Variants in SLC10A4 observed in about 807,000 individuals in gnomAD.
The protein encoded by SLC10A4 is solute carrier family 10 member 4, also known as putative sodium/bile acid cotransporter 4.
A neutral mutation model predicts 22.5 loss-of-function variants in SLC10A4; 17 were observed. The observed-to-expected ratio is 0.76, with a 90% confidence interval of 0.52 to 1.14. SLC10A4 has a LOEUF of 1.14. Ranked by LOEUF, SLC10A4 falls within the 50% of genes most tolerant of loss-of-function variation. The probability of loss-of-function intolerance (pLI) is 0.00; values close to 1 mark genes in which losing one functional copy is unlikely to be tolerated. For missense variants in SLC10A4, 548 were observed against 584.0 expected, an observed-to-expected ratio of 0.94 and a Z score of 0.64; for synonymous variants, 257 against 258.2, an observed-to-expected ratio of 1.00 and a Z score of 0.04.
intron 2 of SLC10A4, among the ~76,000 whole-genome samples, chr4:48,486,548 C>T (rs1448960564): frequency 6.7e-6 from 1 of 149,958 alleles, no homozygotes; most frequent in Admixed American, 6.7e-5. Flanking sequence ...ATATAATAGA[C>T]ATAAGATTAG....
chr4:48,487,960 C>T (rs1275245796), intron 2 of SLC10A4, among the ~76,000 whole-genome samples: 1 of 151,622 alleles, frequency 6.6e-6, no homozygotes, highest in Non-Finnish European at 1.5e-5. Context: ...TTCACCATCA[C>T]ACCTGGCTAA....
At position 48,483,865 on chromosome 4, in the gene SLC10A4, A is replaced by G; in HGVS notation, c.304A>G (p.Asn102Asp). The change falls in exon 1 of 3, where the codon AAC (asparagine) becomes GAC (aspartate). Residue 102 changes from asparagine to aspartate, a missense_variant. Around this residue, in one of 3 missense-constraint regions of SLC10A4, gnomAD observed 225 missense variants for 206.9 expected, o/e 1.09. Coordinates refer to ENST00000273861, the MANE Select transcript of SLC10A4 (RefSeq NM_152679.4). This position sits in a 1 kb window ranked among gnomAD's most constrained non-coding sequence, Gnocchi z 5.4. Reference protein sequence around the residue: ...HALPFWDTPLNHGLNVFVGAA... With the variant: ...HALPFWDTPLDHGLNVFVGAA... ...GCTCCCGTTCTGGGACACGCCGCTG[A>G]ACCACGGGCTGAACGTGTTCGTGGG... 6.5e-7 allele frequency: 1 copy of G among 1,542,954 alleles called. No homozygotes were observed. Among genetic ancestry groups the G allele is most frequent in the South Asian group, 1.2e-5 (1 of 83,848 alleles).
At chr4:48,488,392 T>A (rs1374703099) in intron 2 of SLC10A4, 35 bp from the exon 3 acceptor site, 1 of 1,543,644 alleles carries the variant, frequency 6.5e-7, no homozygotes, top group South Asian at 1.3e-5. Context: ...CCTGAGTTCA[T>A]CTTCAACCAT....
In SLC10A4 at chr4:48,483,598, C is replaced by T; in HGVS notation, c.37C>T (p.Pro13Ser). The T allele has an allele frequency of 6.6e-7, 1 of 1,505,012 alleles. No homozygotes were observed. Among genetic ancestry groups the T allele is most frequent in the Non-Finnish European group, 8.8e-7 (1 of 1,130,782 alleles). 93.2% of individuals were successfully genotyped at this position (1,505,012 alleles called of 1,614,324 possible). ...GNDNVTLLFA[P>S]LLRDNYTLAP... ...CGACAACGTGACCCTGCTCTTCGCC[C>T]CTCTGCTGCGGGACAACTACACCCT... Residue 13 changes from proline (P) to serine (S), a missense_variant, in exon 1 of 3, where the codon CCT becomes TCT. Pro to Ser is a moderately conservative substitution (Grantham distance 74). This residue lies in a region of SLC10A4 where 225 missense variants were observed against 206.9 expected (regional missense o/e 1.09). Coordinates refer to ENST00000273861, the MANE Select transcript of SLC10A4 (RefSeq NM_152679.4). This position sits in a 1 kb window ranked among gnomAD's most constrained non-coding sequence, Gnocchi z 5.4.
Position 48,483,396 on chromosome 4 carries a change from G to A in SLC10A4, c.-166G>A, listed in dbSNP as rs1277858945. On this transcript the variant is annotated 5_prime_UTR_variant, in exon 1 of 3. Coordinates refer to ENST00000273861, the MANE Select transcript of SLC10A4 (RefSeq NM_152679.4). The surrounding 1 kb of genome is among the most constrained non-coding windows in gnomAD (Gnocchi z 5.4). ...CAGGCTGCGGGCGGCTGCAGACCTGGGAGCGGAGACCGGCCCGCCGCCCCC... is the reference window on the plus strand; with the variant it reads ...CAGGCTGCGGGCGGCTGCAGACCTGAGAGCGGAGACCGGCCCGCCGCCCCC... 2.4e-6 allele frequency: 1 copy of A among 413,828 alleles called. No homozygotes were observed. 25.6% of individuals were successfully genotyped at this position (413,828 alleles called of 1,614,324 possible). A position where few individuals can be genotyped will look rare whatever the true frequency, so the allele number is the denominator to read the frequency against.
rs3811759 is a variant in SLC10A4, at chr4:48,488,993, A to G, written c.*54A>G. The G allele has an allele frequency of 0.22, 332,795 of 1,515,976 alleles. 37,440 individuals are homozygous for G. The highest frequency in any genetic ancestry group is 0.32 in the Middle Eastern group (1,267 of 4,022). 93.9% of individuals were successfully genotyped at this position (1,515,976 alleles called of 1,614,324 possible). A position where few individuals can be genotyped will look rare whatever the true frequency, so the allele number is the denominator to read the frequency against. ...TGCTGAAATATTGCTTCATATTTATAGCCTGTGGTAGTGCACATGGTTAAC... is the reference window on the plus strand; with the variant it reads ...TGCTGAAATATTGCTTCATATTTATGGCCTGTGGTAGTGCACATGGTTAAC... On this transcript the variant is annotated 3_prime_UTR_variant, in exon 3 of 3. Coordinates refer to ENST00000273861, the MANE Select transcript of SLC10A4 (RefSeq NM_152679.4).
chr4:48,483,559 G>C lies in SLC10A4; in HGVS notation c.-3G>C. 6.7e-7 allele frequency: 1 copy of C among 1,498,356 alleles called. No homozygotes were observed. The highest frequency in any genetic ancestry group is 8.9e-7 in the Non-Finnish European group (1 of 1,128,344). 92.8% of individuals were successfully genotyped at this position (1,498,356 alleles called of 1,614,324 possible). A position where few individuals can be genotyped will look rare whatever the true frequency, so the allele number is the denominator to read the frequency against. On this transcript the variant is annotated 5_prime_UTR_variant, in exon 1 of 3. Coordinates refer to ENST00000273861, the MANE Select transcript of SLC10A4 (RefSeq NM_152679.4). This position sits in a 1 kb window ranked among gnomAD's most constrained non-coding sequence, Gnocchi z 5.4. ...GACCGGAATCCGCAGCTCCGGCCGCGCCATGGACGGCAACGACAACGTGAC... is the reference window on the plus strand; with the variant it reads ...GACCGGAATCCGCAGCTCCGGCCGCCCCATGGACGGCAACGACAACGTGAC...
Position 48,484,929 on chromosome 4 carries a change from C to T in SLC10A4, c.591-3C>T. On this transcript the variant is annotated splice_region_variant and splice_polypyrimidine_tract_variant and intron_variant, in intron 1 of 2. Transcript: ENST00000273861. ...TGATTTCTGCACATTCCCTTTTCTGCAGCATCATCATGACCATCTCCTCCA... is the reference window on the plus strand; with the variant it reads ...TGATTTCTGCACATTCCCTTTTCTGTAGCATCATCATGACCATCTCCTCCA... 6.2e-7 allele frequency: 1 copy of T among 1,610,314 alleles called. No individual in the cohort carries two copies.
intron 2 of SLC10A4, among the ~76,000 whole-genome samples, chr4:48,487,751 G>GA (rs1718304718): frequency 9.1e-6 from 1 of 109,600 alleles, no homozygotes; most frequent in African/African-American, 3.7e-5. Flanking sequence ...CTGTTTTTCA[G>GA]GAAAAAAGCT....
At chr4:48,484,888 G>C in intron 1 of SLC10A4, 44 bp from the exon 2 acceptor site, 1 of 1,572,636 alleles carries the variant, frequency 6.4e-7, no homozygotes, top group Non-Finnish European at 8.7e-7. Context: ...CTGGCTGTTT[G>C]ACTCAAAGCT....
rs368882632 is a variant in SLC10A4 at position 48,483,962 on chromosome 4, G to T, written c.401G>T (p.Arg134Leu). The change falls in exon 1 of 3, where the codon CGT becomes CTT. Residue 134 changes from arginine (R) to leucine (L), a missense_variant. By Grantham distance (102) the Arg-to-Leu change is moderately radical. Around this residue, in one of 3 missense-constraint regions of SLC10A4, gnomAD observed 225 missense variants for 206.9 expected, o/e 1.09. Coordinates refer to ENST00000273861, the MANE Select transcript of SLC10A4 (RefSeq NM_152679.4). This position sits in a 1 kb window ranked among gnomAD's most constrained non-coding sequence, Gnocchi z 5.4. ...GTGAACCACTTCGGGGCGCACGTCC[G>T]TCGGCCCGTGGGCGCGCTGCTGGCA... ...VDVNHFGAHV[R>L]RPVGALLAAL... The T allele has an allele frequency of 9.9e-5, 153 of 1,547,708 alleles. No homozygotes were observed. The highest frequency in any genetic ancestry group is 1.2e-4 in the Non-Finnish European group (135 of 1,148,348).
At chr4:48,484,539 G>A (rs1275138791) in intron 1 of SLC10A4, among the ~76,000 whole-genome samples, 1 of 152,220 alleles carries the variant, frequency 6.6e-6, no homozygotes, top group Non-Finnish European at 1.5e-5. Flanking sequence ...CTACTGGCCC[G>A]TCAGAGAAAG....
chr4:48,487,560 T>C (rs1254771137), intron 2 of SLC10A4, among the ~76,000 whole-genome samples: 1 of 152,138 alleles, frequency 6.6e-6, no homozygotes, highest in Non-Finnish European at 1.5e-5. Flanking sequence ...AGACCATACC[T>C]GGGGTATTAG....
Position 48,488,686 on chromosome 4 carries a change from C to T in SLC10A4, c.1061C>T (p.Pro354Leu), listed in dbSNP as rs772139890. The T allele has an allele frequency of 2.3e-5, 37 of 1,613,954 alleles. 1 individual carries two copies. Among genetic ancestry groups the T allele is most frequent in the South Asian group, 1.6e-4 (15 of 91,078 alleles). The change falls in exon 3 of 3, where the codon CCG becomes CTG. Residue 354 changes from proline (P) to leucine (L), a missense_variant. Around this residue, in one of 3 missense-constraint regions of SLC10A4, gnomAD observed 314 missense variants for 353.2 expected, o/e 0.89. Transcript: ENST00000273861. ...CTAILKLAFP[P>L]QFIGSMYMFP... ...GCCATTCTAAAACTGGCCTTTCCAC[C>T]GCAATTCATAGGAAGCATGTACATG...
chr4:48,487,559 C>T (rs1718301881), intron 2 of SLC10A4, among the ~76,000 whole-genome samples: 1 of 152,078 alleles, frequency 6.6e-6, no homozygotes. Context: ...CAGACCATAC[C>T]TGGGGTATTA....
rs1007549480 is a variant in SLC10A4, at chr4:48,489,420, A to C, written c.*481A>C. ...TCCAAAACAGGTCAGTTAAATAAGG[A>C]AATATAGTATTTGTCAAACCAGTAT... On this transcript the variant is annotated 3_prime_UTR_variant, in exon 3 of 3. Transcript: ENST00000273861. 1.3e-5 allele frequency among the ~76,000 whole-genome samples: 2 copies of C among 152,230 alleles called. No individual in the cohort carries two copies. Among genetic ancestry groups the C allele is most frequent in the Non-Finnish European group, 2.9e-5 (2 of 68,044 alleles).
chr4:48,488,282 T>C (rs1169581577), intron 2 of SLC10A4, 145 bp from the exon 3 acceptor site: 5 of 671,252 alleles, frequency 7.4e-6, no homozygotes, highest in Non-Finnish European at 1.2e-5. Flanking sequence ...CCTGAAGAGG[T>C]GGCCTGCCCA....
rs781680990 is a variant in SLC10A4 at position 48,488,501 on chromosome 4, G to A, written c.876G>A (p.Leu292=). ...IMTGTMLGPE[L]LASIPAAVYV... Reference sequence around the variant, plus strand: ...CCGGCACTATGTTAGGACCTGAACTGCTGGCAAGTATCCCTGCAGCTGTTT... The same window carrying A: ...CCGGCACTATGTTAGGACCTGAACTACTGGCAAGTATCCCTGCAGCTGTTT... Residue 292 remains leucine (L), a synonymous_variant, in exon 3 of 3, where the codon CTG becomes CTA. Coordinates refer to ENST00000273861, the MANE Select transcript of SLC10A4 (RefSeq NM_152679.4). 8.7e-6 allele frequency: 14 copies of A among 1,613,722 alleles called. No individual in the cohort carries two copies. Among genetic ancestry groups the A allele is most frequent in the Non-Finnish European group, 1.1e-5 (13 of 1,179,970 alleles).
Position 48,484,007 on chromosome 4 carries a change from T to C in SLC10A4, c.446T>C (p.Leu149Pro). The C allele has an allele frequency of 6.3e-7, 1 of 1,583,944 alleles. No homozygotes were observed. The highest frequency in any genetic ancestry group is 8.6e-7 in the Non-Finnish European group (1 of 1,168,866). The change falls in exon 1 of 3, where the codon CTC becomes CCC. Residue 149 changes from leucine to proline, a missense_variant. This residue lies in a region of SLC10A4 where 314 missense variants were observed against 353.2 expected (regional missense o/e 0.89). Coordinates refer to ENST00000273861, the MANE Select transcript of SLC10A4 (RefSeq NM_152679.4). ...CTGGCAGCGCTCTGCCAGTTCGGCC[T>C]CCTGCCGCTGCTGGCCTTCCTGCTG... ...ALLAALCQFG[L>P]LPLLAFLLAL... is the part of the protein sequence containing the mutation.
Sources: allele counts gnomAD v4.1 joint callset (sites outside exome capture counted in the v4.1 genomes callset), GRCh38; gene constraint gnomAD v4.1.1; regional missense constraint gnomAD v4.1.1; non-coding constraint Gnocchi (gnomAD v3.1); transcripts MANE v1.5; gene names NCBI Gene and HGNC (gene_info 2026-07-23, HGNC 2026-07-21).